APP: variants seen among roughly 807,000 people sequenced by gnomAD.
APP encodes the protein amyloid-beta precursor protein.
A neutral mutation model predicts 101.4 loss-of-function variants in APP; 31 were observed. The ratio of observed to expected loss-of-function variants is 0.31; its 90% CI spans 0.23 to 0.41. The LOEUF is 0.41. APP is among the 10% of genes least tolerant of loss of function. The pLI is 1.00. For synonymous variants in APP, 366 were observed against 364.4 expected, an observed-to-expected ratio of 1.00 and a Z score of -0.05; for missense variants, 839 against 1,003.7, an observed-to-expected ratio of 0.84 and a Z score of 2.22.
chr21:26,087,954 T>C (rs1284577435), intron 3 of APP, among the ~76,000 whole-genome samples: 1 of 152,240 alleles, frequency 6.6e-6, no homozygotes, highest in East Asian at 1.9e-4. Flanking sequence ...ACATCTTTTA[T>C]ATCCTTTATT....
At chr21:25,957,299 G>A (rs573157309) in intron 11 of APP, among the ~76,000 whole-genome samples, 15 of 152,166 alleles carry the variant, frequency 9.9e-5, no homozygotes, top group African/African-American at 3.6e-4. Context: ...AGTAAAAGAG[G>A]TAATGACTGA....
At chr21:25,948,412 A>T (rs966904883) in intron 13 of APP, among the ~76,000 whole-genome samples, 1 of 152,200 alleles carries the variant, frequency 6.6e-6, no homozygotes, top group Non-Finnish European at 1.5e-5. Context: ...AAGAGGCCAC[A>T]GTAAAATTGT....
chr21:26,027,799 AG>A (rs2044644952), intron 5 of APP, among the ~76,000 whole-genome samples: 1 of 152,192 alleles, frequency 6.6e-6, no homozygotes, highest in African/African-American at 2.4e-5. Context: ...AAGGTTGAAA[AG>A]GGTTTCTTGT....
At position 25,958,053 on chromosome 21, in the gene APP, T is replaced by G. The variant is rs557146927; in HGVS notation, c.1459-2298A>C. Among the ~76,000 whole-genome samples, 12 of 152,280 alleles carry G rather than the reference T, an allele frequency of 7.9e-5. No individual in the cohort carries two copies. The South Asian group carries it at 2.5e-3, about 32-fold the overall frequency. On this transcript the variant is annotated intron_variant, in intron 11 of 17. Coordinates refer to ENST00000346798, the MANE Select transcript of APP (RefSeq NM_000484.4). ...TGCTTTTCATCATAACTTCTTTTTT[T>G]CCAGTTAGTCATCTATGAATGTTTT...
intron 6 of APP, among the ~76,000 whole-genome samples, chr21:26,010,963 T>C (rs1432785688): frequency 1.3e-5 from 2 of 151,554 alleles, no homozygotes; most frequent in African/African-American, 2.4e-5. Flanking sequence ...GAGGCAGAGA[T>C]TGCAGTGAAC....
intron 15 of APP, among the ~76,000 whole-genome samples, chr21:25,898,260 A>T (rs1334187617): frequency 6.6e-6 from 1 of 152,216 alleles, no homozygotes; most frequent in African/African-American, 2.4e-5. Context: ...CTGAATAAAG[A>T]GCTATAGTAC....
At chr21:26,021,405 G>A (rs1022010847) in intron 6 of APP, among the ~76,000 whole-genome samples, 1 of 151,842 alleles carries the variant, frequency 6.6e-6, no homozygotes, top group Non-Finnish European at 1.5e-5. Context: ...AAGATTTATC[G>A]AAACTACAAG....
intron 1 of APP, among the ~76,000 whole-genome samples, chr21:26,166,880 GAGAGAGAGAGAGAGAGAGAGAGAGAA>G (rs1184122697): frequency 5.6e-5 from 5 of 89,052 alleles, no homozygotes; most frequent in East Asian, 3.1e-4. Context: ...GTGAGAGAGA[GAGAGAGAGAGAGAGAGAGAGAGAGAA>G]AGAGAGAGAA....
At chr21:26,122,390 A>G (rs1018321734) in intron 1 of APP, among the ~76,000 whole-genome samples, 1 of 152,238 alleles carries the variant, frequency 6.6e-6, no homozygotes, top group Non-Finnish European at 1.5e-5. Context: ...CCTTACCAAA[A>G]TGCTAATTTT....
chr21:26,064,736 G>A (rs976004848), intron 3 of APP, among the ~76,000 whole-genome samples: 12 of 152,222 alleles, frequency 7.9e-5, no homozygotes, highest in African/African-American at 2.4e-4. Flanking sequence ...CTCAATCCCC[G>A]GCGAGGCCCA....
chr21:26,005,240 C>G (rs1004714956), intron 6 of APP, among the ~76,000 whole-genome samples: 2 of 151,954 alleles, frequency 1.3e-5, no homozygotes, highest in Admixed American at 1.3e-4. Context: ...ATGGCGAAAC[C>G]CTGTCTCTAC....
intron 13 of APP, among the ~76,000 whole-genome samples, chr21:25,954,005 A>G (rs1160616897): frequency 2.0e-5 from 3 of 152,234 alleles, no homozygotes; most frequent in Non-Finnish European, 4.4e-5. Context: ...CTATCTTTTA[A>G]GTTTAAACAA....
intron 1 of APP, among the ~76,000 whole-genome samples, chr21:26,166,759 T>A (rs1392392036): frequency 6.6e-6 from 1 of 152,188 alleles, no homozygotes; most frequent in Admixed American, 6.5e-5. Context: ...ATCAAGATGC[T>A]ACTGAAGCTC....
intron 15 of APP, among the ~76,000 whole-genome samples, chr21:25,902,338 TGAA>T (rs1215980682): frequency 1.3e-5 from 2 of 152,190 alleles, no homozygotes; most frequent in East Asian, 3.8e-4. Flanking sequence ...CTCTAAAATG[TGAA>T]GAAGAACCAA....
At chr21:25,904,613 C>A (rs916078930) in intron 15 of APP, among the ~76,000 whole-genome samples, 33 of 152,270 alleles carry the variant, frequency 2.2e-4, no homozygotes, top group Admixed American at 1.8e-3. Flanking sequence ...CATCTGGACA[C>A]CAAACAAGAA....
intron 15 of APP, among the ~76,000 whole-genome samples, chr21:25,903,116 C>T (rs1276141459): frequency 1.3e-5 from 2 of 151,866 alleles, no homozygotes; most frequent in Non-Finnish European, 2.9e-5. Flanking sequence ...CCTGTAATCC[C>T]AGCACTTTGG....
chr21:26,068,608 C>G (rs916289950), intron 3 of APP, among the ~76,000 whole-genome samples: 1 of 152,102 alleles, frequency 6.6e-6, no homozygotes, highest in Non-Finnish European at 1.5e-5. Flanking sequence ...CCTCAAGCAA[C>G]TCTCCTAGCT....
intron 11 of APP, among the ~76,000 whole-genome samples, chr21:25,956,308 T>C (rs972683291): frequency 3.9e-5 from 6 of 152,256 alleles, no homozygotes; most frequent in Non-Finnish European, 7.3e-5. Context: ...TAAACTGTAT[T>C]TATTTTACTC....
chr21:25,905,303 A>C (rs2038731979), intron 14 of APP, among the ~76,000 whole-genome samples: 1 of 152,234 alleles, frequency 6.6e-6, no homozygotes. Context: ...CCTGCTCCTT[A>C]GTTTTCTAAT....
Sources: gnomAD v4.1 joint callset for allele counts (sites outside exome capture counted in the v4.1 genomes callset) on GRCh38, gnomAD v4.1.1 for gene constraint, MANE v1.5 for transcripts, NCBI Gene and HGNC (gene_info 2026-07-23, HGNC 2026-07-21) for gene names.